JMJD1C: variants seen among roughly 807,000 people sequenced by gnomAD.
JMJD1C encodes the protein jumonji domain-containing protein 1C.
Under a neutral mutation model 245.3 loss-of-function variants are expected in JMJD1C, and 31 were observed. That is an observed-to-expected ratio of 0.13 (90% CI 0.09 to 0.17). The LOEUF is 0.17. JMJD1C is among the 10% of genes least tolerant of loss of function. The pLI is 1.00. For synonymous variants in JMJD1C, 1,057 were observed against 1,017.4 expected (o/e 1.04, Z -0.74); for missense variants, 2,691 against 3,000.2 (o/e 0.90, Z 2.41).
At chr10:63,341,894 C>T (rs768731816) in intron 2 of JMJD1C, among the ~76,000 whole-genome samples, 6 of 152,160 alleles carry the variant, frequency 3.9e-5, no homozygotes, top group Non-Finnish European at 1.5e-5. Flanking sequence ...ATGCCACATA[C>T]GCTGTTGCCA....
chr10:63,424,497 CT>C (rs59823871), intron 1 of JMJD1C, among the ~76,000 whole-genome samples: 504 of 103,350 alleles, frequency 4.9e-3, no homozygotes, highest in African/African-American at 0.012. Context: ...ATTATTATTT[CT>C]TTTTTTTTTT....
chr10:63,388,541 T>C (rs1947805109), intron 1 of JMJD1C, among the ~76,000 whole-genome samples: 2 of 151,892 alleles, frequency 1.3e-5, no homozygotes, highest in Non-Finnish European at 2.9e-5. Flanking sequence ...ACACACAGAA[T>C]ATAAACCCCA....
chr10:63,315,237 T>C (rs1417835401), intron 2 of JMJD1C, among the ~76,000 whole-genome samples: 4 of 152,202 alleles, frequency 2.6e-5, no homozygotes, highest in Non-Finnish European at 4.4e-5. Flanking sequence ...CTGAGCATAG[T>C]ACCCAACAGT....
At chr10:63,194,397 A>G in intron 13 of JMJD1C, 22 bp from the exon 14 acceptor site, 3 of 1,380,084 alleles carry the variant, frequency 2.2e-6, no homozygotes, top group Non-Finnish European at 3.1e-6. Context: ...TAAAACTTGT[A>G]TATCACACTC....
In JMJD1C at chr10:63,186,430, CTTT is replaced by C. The variant is rs540765795; in HGVS notation, c.6571-50_6571-48del. The C allele has an allele frequency of 6.4e-5, 93 of 1,452,720 alleles. No individual in the cohort carries two copies. The African/African-American group carries it at 1.2e-3, about 19-fold the overall frequency. 90.0% of individuals were successfully genotyped at this position (1,452,720 alleles called of 1,614,324 possible). A position where few individuals can be genotyped will look rare whatever the true frequency, so the allele number is the denominator to read the frequency against. On this transcript the variant is annotated intron_variant, in intron 18 of 25. Transcript: ENST00000399262. ...AACAGTTAAAAGATATATAGACTTTCTTTTTTGTTTGTTTGTTTGTTTGTTTGA... is the reference window on the plus strand; with the variant it reads ...AACAGTTAAAAGATATATAGACTTTCTTTGTTTGTTTGTTTGTTTGTTTGA...
rs940315191 is a variant in JMJD1C at position 63,219,753 on chromosome 10, T to C, written c.553+125A>G. ...ATCACTCTGCTATTATTTTCCTGGA[T>C]GTATATAACTCAAAATATTGGACTG... On this transcript the variant is annotated intron_variant, in intron 4 of 25. Coordinates refer to ENST00000399262, the MANE Select transcript of JMJD1C (RefSeq NM_032776.3). The C allele has an allele frequency of 6.8e-5, 38 of 559,752 alleles. No homozygotes were observed. In the East Asian group the frequency reaches 1.0e-3, roughly 15 times the overall value. 34.7% of individuals were successfully genotyped at this position (559,752 alleles called of 1,614,324 possible).
chr10:63,458,718 T>TTTTTTA (rs140163137), intron 1 of JMJD1C, among the ~76,000 whole-genome samples: 12,666 of 122,816 alleles, frequency 0.1, 1,132 homozygotes, highest in African/African-American at 0.23. Context: ...TATAGCTTTT[T>TTTTTTA]TTTTATTTAT....
intron 18 of JMJD1C, 35 bp from the exon 19 acceptor site, chr10:63,186,418 TATA>T: frequency 6.8e-7 from 1 of 1,479,606 alleles, no homozygotes; most frequent in Non-Finnish European, 9.2e-7. Context: ...AGTTAAAAGA[TATA>T]TAGACTTTCT....
At chr10:63,171,426 G>T (rs1051717875) in intron 24 of JMJD1C, among the ~76,000 whole-genome samples, 1 of 152,198 alleles carries the variant, frequency 6.6e-6, no homozygotes, top group Non-Finnish European at 1.5e-5. Flanking sequence ...ATATATCTCA[G>T]CTTCCTTGAA....
At chr10:63,485,798 A>G (rs1953974176) in intron 1 of JMJD1C, among the ~76,000 whole-genome samples, 1 of 152,208 alleles carries the variant, frequency 6.6e-6, no homozygotes, top group Non-Finnish European at 1.5e-5. Flanking sequence ...TAACTTACTT[A>G]GTAAATACTT....
At position 63,214,807 on chromosome 10, in the gene JMJD1C, T is replaced by G. The variant is rs542426858; in HGVS notation, c.1360A>C (p.Thr454Pro). The G allele has an allele frequency of 6.2e-7, 1 of 1,613,734 alleles. No homozygotes were observed. Among genetic ancestry groups the G allele is most frequent in the South Asian group, 1.1e-5 (1 of 91,066 alleles). ...ATAATCATATCTTCTTGAAGCTGAG[T>G]GTCAACAGACTTCCGCTTCTCTGCT... is the stretch of plus-strand genomic sequence containing the variant. ...EEAEKRKSVD[T>P]QLQEDMIIHS... is the part of the protein sequence containing the mutation. The change falls in exon 8 of 26, where the codon ACT becomes CCT. Residue 454 changes from threonine to proline, a missense_variant. By Grantham distance (38) the Thr-to-Pro change is conservative (BLOSUM62 -1). This residue lies in a region of JMJD1C where 1,562 missense variants were observed against 1,490.7 expected (regional missense o/e 1.05). Coordinates refer to ENST00000399262, the MANE Select transcript of JMJD1C (RefSeq NM_032776.3).
intron 2 of JMJD1C, among the ~76,000 whole-genome samples, chr10:63,365,531 G>A (rs1332494014): frequency 1.3e-5 from 2 of 152,160 alleles, no homozygotes; most frequent in Non-Finnish European, 2.9e-5. Context: ...AGCATTTTGG[G>A]AGGCTGAGGC....
chr10:63,463,705 T>G (rs564613829), intron 1 of JMJD1C, among the ~76,000 whole-genome samples: 4 of 152,236 alleles, frequency 2.6e-5, no homozygotes, highest in African/African-American at 9.6e-5. Context: ...TCAACATACA[T>G]TTTTCTTTTT....
At chr10:63,386,155 A>C (rs1947572728) in intron 1 of JMJD1C, among the ~76,000 whole-genome samples, 1 of 152,128 alleles carries the variant, frequency 6.6e-6, no homozygotes, top group Non-Finnish European at 1.5e-5. Flanking sequence ...GCCCTGAAGG[A>C]AAACACAAGG....
chr10:63,363,252 CTTTTTTTT>C (rs71463517), intron 2 of JMJD1C, among the ~76,000 whole-genome samples: 1 of 99,866 alleles, frequency 1.0e-5, no homozygotes, highest in African/African-American at 3.8e-5. Flanking sequence ...TCATACAATT[CTTTTTTTT>C]TTTTTTTTTT....
At chr10:63,212,950 G>A (rs1361088128) in intron 8 of JMJD1C, among the ~76,000 whole-genome samples, 7 of 151,108 alleles carry the variant, frequency 4.6e-5, no homozygotes. Flanking sequence ...CACTTTGGGA[G>A]GCCGAGACAG....
intron 2 of JMJD1C, among the ~76,000 whole-genome samples, chr10:63,363,252 C>CTTTTTTTTTTTTTTTTTTT (rs71463517): frequency 1.0e-5 from 1 of 99,866 alleles, no homozygotes. Context: ...TCATACAATT[C>CTTTTTTTTTTTTTTTTTTT]TTTTTTTTTT....
intron 10 of JMJD1C, among the ~76,000 whole-genome samples, chr10:63,201,626 CAT>C (rs888636221): frequency 1.3e-5 from 2 of 152,052 alleles, no homozygotes; most frequent in Non-Finnish European, 2.9e-5. Context: ...TTTTTAAAAA[CAT>C]ATTTATTTAA....
intron 2 of JMJD1C, among the ~76,000 whole-genome samples, chr10:63,350,783 A>T (rs1944288138): frequency 6.6e-6 from 1 of 151,548 alleles, no homozygotes; most frequent in South Asian, 2.1e-4. Flanking sequence ...TGCCCAGCTA[A>T]TTTTTTTGTA....
Sources: allele counts gnomAD v4.1 joint callset (sites outside exome capture counted in the v4.1 genomes callset), GRCh38; gene constraint gnomAD v4.1.1; regional missense constraint gnomAD v4.1.1; transcripts MANE v1.5; gene names NCBI Gene and HGNC (gene_info 2026-07-23, HGNC 2026-07-21).